Variants in PEX14 observed in about 807,000 individuals in gnomAD.
PEX14 encodes peroxisomal membrane protein PEX14.
Under a neutral mutation model 49.5 loss-of-function variants are expected in PEX14, and 15 were observed. The ratio of observed to expected loss-of-function variants is 0.30; its 90% CI spans 0.20 to 0.47. The LOEUF is 0.47. PEX14 is among the 20% of genes least tolerant of loss of function. The pLI, the probability that PEX14 is intolerant of heterozygous loss-of-function variation, is 1.00. For synonymous variants in PEX14, 210 were observed against 212.7 expected, an observed-to-expected ratio of 0.99 and a Z score of 0.11; for missense variants, 398 against 494.8, an observed-to-expected ratio of 0.80 and a Z score of 1.86.
intron 1 of PEX14, among the ~76,000 whole-genome samples, chr1:10,480,417 G>A (rs1263497575): frequency 1.7e-5 from 2 of 120,580 alleles, no homozygotes; most frequent in Admixed American, 2.1e-4. Flanking sequence ...TTTTTGAGAC[G>A]GAGTCTTGCT....
intron 3 of PEX14, among the ~76,000 whole-genome samples, chr1:10,540,548 TTG>T (rs56172605): frequency 0.27 from 41,734 of 151,892 alleles, 7,122 homozygotes; most frequent in Non-Finnish European, 0.37. Context: ...AGCTCCCAGC[TTG>T]TGCCCCCAGG....
rs202202497 is a variant in PEX14 at position 10,483,662 on chromosome 1, CAA to C, written c.36+8662_36+8663del. Among the ~76,000 whole-genome samples the C allele has an allele frequency of 4.3e-3, 650 of 151,818 alleles. 25 individuals carry two copies. The highest frequency in any genetic ancestry group is 0.015 in the African/African-American group (618 of 41,184). ...TTTAGTTTAATATTGTATTGACTGA[CAA>C]AGTCTTATGGCCTAAACTTTACTGT... On this transcript the variant is annotated intron_variant, in intron 1 of 8. Coordinates refer to ENST00000356607, the MANE Select transcript of PEX14 (RefSeq NM_004565.3).
intron 3 of PEX14, among the ~76,000 whole-genome samples, chr1:10,541,536 T>A (rs1284752394): frequency 1.3e-5 from 2 of 152,212 alleles, no homozygotes; most frequent in African/African-American, 4.8e-5. Flanking sequence ...GAGCTGCTCG[T>A]GCGGAGCAGG....
intron 5 of PEX14, among the ~76,000 whole-genome samples, chr1:10,620,463 C>T (rs951755127): frequency 8.6e-5 from 13 of 151,650 alleles, no homozygotes; most frequent in South Asian, 2.1e-4. Flanking sequence ...ACTCCAGCCT[C>T]GGCAACAGAA....
chr1:10,500,120 T>C (rs1641644984), intron 2 of PEX14, among the ~76,000 whole-genome samples: 1 of 149,788 alleles, frequency 6.7e-6, no homozygotes, highest in African/African-American at 2.4e-5. Context: ...TCTGTAAGAA[T>C]AGGCAAGGCA....
intron 3 of PEX14, among the ~76,000 whole-genome samples, chr1:10,578,502 C>T (rs905707039): frequency 1.3e-4 from 20 of 152,062 alleles, no homozygotes; most frequent in Admixed American, 6.5e-5. Context: ...GAATCCAGAG[C>T]CTCTACAAAC....
chr1:10,503,825 G>C (rs1234040210), intron 2 of PEX14, among the ~76,000 whole-genome samples: 1 of 151,868 alleles, frequency 6.6e-6, no homozygotes, highest in Non-Finnish European at 1.5e-5. Context: ...CCTCTGCCTT[G>C]GGGGTTCAAG....
At chr1:10,557,276 C>A (rs1048885887) in intron 3 of PEX14, among the ~76,000 whole-genome samples, 2 of 152,152 alleles carry the variant, frequency 1.3e-5, no homozygotes, top group Non-Finnish European at 2.9e-5. Flanking sequence ...TTTGTGATTA[C>A]CTTTGTGGGG....
intron 3 of PEX14, among the ~76,000 whole-genome samples, chr1:10,589,636 C>T (rs1376697589): frequency 2.0e-5 from 3 of 152,008 alleles, no homozygotes; most frequent in Non-Finnish European, 4.4e-5. Flanking sequence ...TGGTCTCAAA[C>T]TCCTGGGCTC....
At chr1:10,481,034 A>G (rs889575249) in intron 1 of PEX14, among the ~76,000 whole-genome samples, 1 of 152,090 alleles carries the variant, frequency 6.6e-6, no homozygotes, top group South Asian at 2.1e-4. Flanking sequence ...TATTTAAAAC[A>G]GAATCTGCAC....
intron 3 of PEX14, among the ~76,000 whole-genome samples, chr1:10,544,905 G>A (rs1639124244): frequency 6.6e-6 from 1 of 152,074 alleles, no homozygotes; most frequent in Non-Finnish European, 1.5e-5. Flanking sequence ...TGGGCCACAG[G>A]CACACGCCAC....
chr1:10,510,010 C>T (rs532385983), intron 2 of PEX14, among the ~76,000 whole-genome samples: 12 of 152,162 alleles, frequency 7.9e-5, no homozygotes, highest in Non-Finnish European at 1.6e-4. Flanking sequence ...ACTGACCCAC[C>T]AATTATAGAT....
At chr1:10,509,649 C>T (rs1339508888) in intron 2 of PEX14, among the ~76,000 whole-genome samples, 2 of 152,096 alleles carry the variant, frequency 1.3e-5, no homozygotes, top group Non-Finnish European at 2.9e-5. Flanking sequence ...CTAATGCCGG[C>T]TGGAGGAACG....
intron 1 of PEX14, among the ~76,000 whole-genome samples, chr1:10,477,912 C>T (rs963999053): frequency 1.3e-5 from 2 of 151,860 alleles, no homozygotes; most frequent in African/African-American, 4.8e-5. Flanking sequence ...TTTTTGAGAC[C>T]GAGTCTCACT....
chr1:10,590,257 G>A (rs184135747), intron 3 of PEX14, among the ~76,000 whole-genome samples: 2 of 152,356 alleles, frequency 1.3e-5, no homozygotes, highest in African/African-American at 2.4e-5. Flanking sequence ...ACCGTGAGTC[G>A]TGCCCCTCGG....
At chr1:10,492,378 C>A (rs1225561934) in intron 1 of PEX14, among the ~76,000 whole-genome samples, 1 of 152,152 alleles carries the variant, frequency 6.6e-6, no homozygotes. Context: ...GGTCAAATAA[C>A]CTACATTATT....
chr1:10,577,537 TATATATATATATATATATATATATA>T (rs1640160355), intron 3 of PEX14, among the ~76,000 whole-genome samples: 7 of 1,950 alleles, frequency 3.6e-3, no homozygotes, highest in African/African-American at 5.1e-3. Flanking sequence ...TACATATATA[TATATATATATATATATATATATATA>T]TTTTTTTTTT....
At chr1:10,610,424 G>A (rs191311722) in intron 4 of PEX14, among the ~76,000 whole-genome samples, 1 of 150,398 alleles carries the variant, frequency 6.6e-6, no homozygotes, top group Non-Finnish European at 1.5e-5. Context: ...GAGAGAGAGA[G>A]ATATCATTCT....
At chr1:10,621,297 C>T (rs1641584029) in intron 5 of PEX14, among the ~76,000 whole-genome samples, 1 of 149,600 alleles carries the variant, frequency 6.7e-6, no homozygotes. Flanking sequence ...GACTTCTGAT[C>T]TCAGAAATGG....
Sources: gnomAD v4.1 joint callset for allele counts (sites outside exome capture counted in the v4.1 genomes callset) on GRCh38, gnomAD v4.1.1 for gene constraint, MANE v1.5 for transcripts, NCBI Gene and HGNC (gene_info 2026-07-23, HGNC 2026-07-21) for gene names.